TBX6: variants seen among roughly 807,000 people sequenced by gnomAD.
The protein encoded by TBX6 is T-box transcription factor 6, also known as T-box transcription factor TBX6.
In TBX6, 29 loss-of-function variants were observed where a neutral mutation model predicts 42.3. The ratio of observed to expected loss-of-function variants is 0.69; its 90% CI spans 0.51 to 0.93. The LOEUF is 0.93. TBX6 is among the 40% of genes least tolerant of loss of function. The probability of loss-of-function intolerance (pLI) is 0.00; values close to 1 mark genes in which losing one functional copy is unlikely to be tolerated. For missense variants in TBX6, 569 were observed against 603.3 expected, an observed-to-expected ratio of 0.94 and a Z score of 0.59; for synonymous variants, 249 against 245.1, an observed-to-expected ratio of 1.02 and a Z score of -0.15.
Position 30,088,671 on chromosome 16 carries a change from C to A in TBX6, c.768+22G>T, listed in dbSNP as rs750391843. 1 of 1,614,060 alleles carries A rather than the reference C, an allele frequency of 6.2e-7. No individual in the cohort carries two copies. The highest frequency in any genetic ancestry group is 8.5e-7 in the Non-Finnish European group (1 of 1,179,994). ...TGCGGTCTGGGCAGGGGGCCACCACCCCCTCAAGCAGGGTCACTCACCTGT... is the reference window on the plus strand; with the variant it reads ...TGCGGTCTGGGCAGGGGGCCACCACACCCTCAAGCAGGGTCACTCACCTGT... On this transcript the variant is annotated intron_variant, in intron 5 of 8. Transcript: ENST00000395224. The surrounding 1 kb of genome is among the most constrained non-coding windows in gnomAD (Gnocchi z 4.1).
rs1375907170 is a variant in TBX6 at position 30,088,437 on chromosome 16, G to A, written c.839+108C>T. 1.4e-6 allele frequency: 2 copies of A among 1,463,834 alleles called. No homozygotes were observed. The highest frequency in any genetic ancestry group is 1.9e-6 in the Non-Finnish European group (2 of 1,049,288). 90.7% of individuals were successfully genotyped at this position (1,463,834 alleles called of 1,614,324 possible). A position where few individuals can be genotyped will look rare whatever the true frequency, so the allele number is the denominator to read the frequency against. ...GTATTTGCTGAGTCAGTGAATGAAT[G>A]TTTTCACTTACCACTGCATTTCTGA... is the stretch of plus-strand genomic sequence containing the variant. On this transcript the variant is annotated intron_variant, in intron 6 of 8. Transcript: ENST00000395224. The surrounding 1 kb of genome is among the most constrained non-coding windows in gnomAD (Gnocchi z 4.1).
chr16:30,091,465 T>G, intron 1 of TBX6: 1 of 380,318 alleles, frequency 2.6e-6, no homozygotes, highest in Non-Finnish European at 4.7e-6. Context: ...ATTACATAAT[T>G]AACTCCTCGG....
At position 30,089,043 on chromosome 16, in the gene TBX6, A is replaced by T. The variant is rs2072682806; in HGVS notation, c.521T>A (p.Ile174Asn). The stretch of plus-strand genomic sequence containing the variant: ...ACCAGTGGCAGGAGAGTCGGGGTGA[A>T]TGTAGACACGGTCAGGCAGGCGGGG... ...AEPRLPDRVY[I>N]HPDSPATGAH... Residue 174 changes from isoleucine to asparagine, a missense_variant, in exon 4 of 9, where the codon ATT (isoleucine) becomes AAT (asparagine). Ile to Asn is a moderately radical substitution (Grantham distance 149, BLOSUM62 -3). Transcript: ENST00000395224. The T allele has an allele frequency of 1.2e-6, 2 of 1,613,940 alleles. No individual in the cohort carries two copies. Among genetic ancestry groups the T allele is most frequent in the Non-Finnish European group, 1.7e-6 (2 of 1,180,004 alleles).
rs1436594394 is a variant in TBX6, at chr16:30,091,000, C to T, written c.119-8G>A. 4 of 1,610,072 alleles carry T rather than the reference C, an allele frequency of 2.5e-6. No homozygotes were observed. The Admixed American group carries it at 5.1e-5, about 20-fold the overall frequency. ...GTTTAGGGGTGTCCAGTTCTGGAAG[C>T]CGGGGAAGAATGAGGAGCCAGCCGA... On this transcript the variant is annotated splice_region_variant and splice_polypyrimidine_tract_variant and intron_variant, in intron 2 of 8. Coordinates refer to ENST00000395224, the MANE Select transcript of TBX6 (RefSeq NM_004608.4).
At chr16:30,089,339 G>A in intron 3 of TBX6, 129 bp from the exon 4 acceptor site, 1 of 1,241,544 alleles carries the variant, frequency 8.1e-7, no homozygotes, top group Non-Finnish European at 1.1e-6. Context: ...GGTGGAATTA[G>A]AACCCAGAGG....
chr16:30,091,024 G>A (rs749953101), intron 2 of TBX6, 32 bp from the exon 3 acceptor site: 66 of 1,599,370 alleles, frequency 4.1e-5, no homozygotes, highest in Non-Finnish European at 5.5e-5. Context: ...GGAGCCAGCC[G>A]AGGGCCACAG....
Position 30,089,018 on chromosome 16 carries a change from A to G in TBX6, c.546T>C (p.Gly182=). Residue 182 remains glycine, a synonymous_variant, in exon 4 of 9, where the codon GGT becomes GGC. Coordinates refer to ENST00000395224, the MANE Select transcript of TBX6 (RefSeq NM_004608.4). The part of the protein sequence containing the change: ...VYIHPDSPAT[G]AHWMRQPVSF... ...ACACAGGCTGCCGCATCCAATGTGC[A>G]CCAGTGGCAGGAGAGTCGGGGTGAA... The G allele has an allele frequency of 6.2e-7, 1 of 1,613,988 alleles. No individual in the cohort carries two copies. Among genetic ancestry groups the G allele is most frequent in the Non-Finnish European group, 8.5e-7 (1 of 1,179,960 alleles).
rs115865007 is a variant in TBX6 at position 30,089,972 on chromosome 16, A to G, written c.354-762T>C. The stretch of plus-strand genomic sequence containing the variant: ...AAAAAAAAAGAAGCCAGAGGGCGGA[A>G]TCTTAGAGCTGGAAGGTTTTCTTGT... On this transcript the variant is annotated intron_variant, in intron 3 of 8. Coordinates refer to ENST00000395224, the MANE Select transcript of TBX6 (RefSeq NM_004608.4). 5.8e-3 allele frequency among the ~76,000 whole-genome samples: 879 copies of G among 151,174 alleles called. 7 individuals are homozygous for G. The highest frequency in any genetic ancestry group is 0.02 in the African/African-American group (839 of 41,120).
Position 30,088,231 on chromosome 16 carries a change from C to T in TBX6, c.839+314G>A, listed in dbSNP as rs1567341159. ...GGGATTACATGCGTGAGCCACCACA[C>T]CTGGTCTCTCTTCTCTTTAGAATGG... On this transcript the variant is annotated intron_variant, in intron 6 of 8. Transcript: ENST00000395224. The surrounding 1 kb of genome is among the most constrained non-coding windows in gnomAD (Gnocchi z 4.1). 1 of 390,450 alleles carries T rather than the reference C, an allele frequency of 2.6e-6. No homozygotes were observed. Among genetic ancestry groups the T allele is most frequent in the East Asian group, 6.1e-5 (1 of 16,440 alleles). 24.2% of individuals were successfully genotyped at this position (390,450 alleles called of 1,614,324 possible). A position where few individuals can be genotyped will look rare whatever the true frequency, so the allele number is the denominator to read the frequency against.
Position 30,086,598 on chromosome 16 carries a change from C to A in TBX6, c.1011G>T (p.Pro337=). 6.3e-7 allele frequency: 1 copy of A among 1,577,084 alleles called. No homozygotes were observed. The highest frequency in any genetic ancestry group is 1.2e-5 in the South Asian group (1 of 86,870). The change falls in exon 8 of 9, where the codon CCG becomes CCT. Residue 337 remains proline (P), a synonymous_variant. Coordinates refer to ENST00000395224, the MANE Select transcript of TBX6 (RefSeq NM_004608.4). The surrounding 1 kb of genome is among the most constrained non-coding windows in gnomAD (Gnocchi z 4.6). ...CACTGGGGCCACCACACAGAGGTGC[C>A]GGGGCAGCGGTGGCTTCCCCGGGGG... ...APAPGEATAA[P]APLCGGPSAE...
rs774985490 is a variant in TBX6 at position 30,086,830 on chromosome 16, C to T, written c.861G>A (p.Lys287=). 1 of 1,613,524 alleles carries T rather than the reference C, an allele frequency of 6.2e-7. No individual in the cohort carries two copies. The highest frequency in any genetic ancestry group is 8.5e-7 in the Non-Finnish European group (1 of 1,179,786). Residue 287 remains lysine, a synonymous_variant, in exon 7 of 9, where the codon AAG becomes AAA. Coordinates refer to ENST00000395224, the MANE Select transcript of TBX6 (RefSeq NM_004608.4). The surrounding 1 kb of genome is among the most constrained non-coding windows in gnomAD (Gnocchi z 4.6). ...NCKRERDARV[K]RKLRGPEPAA... ...CTGGCTCTGGGCCCCGCAGTTTCCTCTTCACACGGGCGTCTCGCTCCCTGG... is the reference window on the plus strand; with the variant it reads ...CTGGCTCTGGGCCCCGCAGTTTCCTTTTCACACGGGCGTCTCGCTCCCTGG...
rs2072670361 is a variant in TBX6 at position 30,088,323 on chromosome 16, G to A, written c.839+222C>T. On this transcript the variant is annotated intron_variant, in intron 6 of 8. Coordinates refer to ENST00000395224, the MANE Select transcript of TBX6 (RefSeq NM_004608.4). The surrounding 1 kb of genome is among the most constrained non-coding windows in gnomAD (Gnocchi z 4.1). The stretch of plus-strand genomic sequence containing the variant: ...TGTCTACTCTCCCCACTAGAAATCA[G>A]CTGCATGAGGGCCGGGGCTTTGGTT... The A allele has an allele frequency of 6.5e-6, 4 of 616,680 alleles. No homozygotes were observed. The highest frequency in any genetic ancestry group is 5.7e-5 in the South Asian group (3 of 52,302). 38.2% of individuals were successfully genotyped at this position (616,680 alleles called of 1,614,324 possible).
chr16:30,088,914 C>G lies in TBX6; in HGVS notation c.621+29G>C. 1.2e-6 allele frequency: 2 copies of G among 1,603,280 alleles called. No homozygotes were observed. Among genetic ancestry groups the G allele is most frequent in the East Asian group, 2.2e-5 (1 of 44,646 alleles). Reference sequence around the variant, plus strand: ...GCCTCCCTTCCAGCACCCCCCAACCCTATCCTGGAGTCCCAGCCTGGGCCT... The same window carrying G: ...GCCTCCCTTCCAGCACCCCCCAACCGTATCCTGGAGTCCCAGCCTGGGCCT... On this transcript the variant is annotated intron_variant, in intron 4 of 8. Transcript: ENST00000395224. The surrounding 1 kb of genome is among the most constrained non-coding windows in gnomAD (Gnocchi z 4.1).
chr16:30,089,348 G>C (rs2072689469), intron 3 of TBX6, 138 bp from the exon 4 acceptor site: 2 of 1,180,324 alleles, frequency 1.7e-6, no homozygotes, highest in East Asian at 2.6e-5. Context: ...AGAACCCAGA[G>C]GGCAGGCTGG....
At position 30,091,195 on chromosome 16, in the gene TBX6, T is replaced by C. The variant is rs1214563268; in HGVS notation, c.-2A>G. The C allele has an allele frequency of 4.5e-6, 7 of 1,563,716 alleles. No individual in the cohort carries two copies. The highest frequency in any genetic ancestry group is 1.2e-5 in the South Asian group (1 of 83,526). On this transcript the variant is annotated 5_prime_UTR_variant, in exon 2 of 9. Coordinates refer to ENST00000395224, the MANE Select transcript of TBX6 (RefSeq NM_004608.4). Reference sequence around the variant, plus strand: ...GTACAATTCTCGTGGATGGTACATGTTGTAGTTCCGTCTGGCCTCAGGTCT... The same window carrying C: ...GTACAATTCTCGTGGATGGTACATGCTGTAGTTCCGTCTGGCCTCAGGTCT...
At chr16:30,090,267 T>C (rs1026642849) in intron 3 of TBX6, among the ~76,000 whole-genome samples, 2 of 152,196 alleles carry the variant, frequency 1.3e-5, no homozygotes, top group African/African-American at 4.8e-5. Flanking sequence ...CTTGAGTTCC[T>C]GCCCCAGCTA....
At chr16:30,087,292 C>G (rs1432443341) in intron 6 of TBX6, among the ~76,000 whole-genome samples, 2 of 152,116 alleles carry the variant, frequency 1.3e-5, no homozygotes, top group Non-Finnish European at 2.9e-5. Flanking sequence ...GGCACAGTCA[C>G]AGGTCACAGC....
chr16:30,090,518 C>T (rs1459005579), intron 3 of TBX6, among the ~76,000 whole-genome samples: 2 of 152,144 alleles, frequency 1.3e-5, no homozygotes, highest in Non-Finnish European at 2.9e-5. Flanking sequence ...ACCCATGACC[C>T]TTGCCATAGA....
Position 30,086,707 on chromosome 16 carries a change from G to T in TBX6, c.914-12C>A. 6.2e-7 allele frequency: 1 copy of T among 1,612,820 alleles called. No individual in the cohort carries two copies. The highest frequency in any genetic ancestry group is 1.1e-5 in the South Asian group (1 of 90,964). ...ACCACCTGGTGTGTCTGGGGAGAGG[G>T]AAGGGAGAGGTTGGGCTAGGGAGGA... On this transcript the variant is annotated splice_polypyrimidine_tract_variant and intron_variant, in intron 7 of 8. Coordinates refer to ENST00000395224, the MANE Select transcript of TBX6 (RefSeq NM_004608.4). The surrounding 1 kb of genome is among the most constrained non-coding windows in gnomAD (Gnocchi z 4.6).
Sources: gnomAD v4.1 joint callset for allele counts (sites outside exome capture counted in the v4.1 genomes callset) on GRCh38, gnomAD v4.1.1 for gene constraint, Gnocchi (gnomAD v3.1) non-coding constraint, MANE v1.5 for transcripts, NCBI Gene and HGNC (gene_info 2026-07-23, HGNC 2026-07-21) for gene names.